The following LIMD1 variants were observed in gnomAD, a reference collection of about 807,000 sequenced individuals.
LIMD1 encodes the protein LIM domain containing 1, also known as LIM domain-containing protein 1.
In LIMD1, 23 loss-of-function variants were observed where a neutral mutation model predicts 58.4. That is an observed-to-expected ratio of 0.39 (90% CI 0.28 to 0.56). LIMD1 has a LOEUF of 0.56. LIMD1 is among the 20% of genes least tolerant of loss of function. The probability of loss-of-function intolerance (pLI) is 0.57; values close to 1 mark genes in which losing one functional copy is unlikely to be tolerated. For missense variants in LIMD1, 838 were observed against 855.5 expected (o/e 0.98, Z 0.25); for synonymous variants, 334 against 345.5 (o/e 0.97, Z 0.37).
intron 1 of LIMD1, among the ~76,000 whole-genome samples, chr3:45,618,454 C>T (rs1413574310): frequency 6.6e-6 from 1 of 152,032 alleles, no homozygotes; most frequent in Non-Finnish European, 1.5e-5. Context: ...GGAGAGAGCT[C>T]AGTCCGGAGA....
chr3:45,683,923 C>T lies in LIMD1; in HGVS notation c.*6864C>T, dbSNP rs1697776695. On this transcript the variant is annotated 3_prime_UTR_variant, in exon 8 of 8. Transcript: ENST00000273317. ...TCAGCCTACCACAGACTCCAACGAA[C>T]GTTTTTTGAGAGGAAATGAAAGAAT... 6.6e-6 allele frequency: 1 copy of T among 152,158 alleles called. No individual in the cohort carries two copies. The highest frequency in any genetic ancestry group is 1.5e-5 in the Non-Finnish European group (1 of 68,030). The allele number at this position is 152,158 out of a possible 1,614,324, so 9.4% of individuals were successfully genotyped here. A position where few individuals can be genotyped will look rare whatever the true frequency, so the allele number is the denominator to read the frequency against.
At chr3:45,663,668 G>T (rs887979965) in intron 2 of LIMD1, among the ~76,000 whole-genome samples, 1 of 151,780 alleles carries the variant, frequency 6.6e-6, no homozygotes, top group Non-Finnish European at 1.5e-5. Flanking sequence ...TTCCCCATTG[G>T]ATTATTTATC....
chr3:45,665,467 C>CCTCAGCCTGCCTGCCT (rs1399866248), intron 2 of LIMD1, among the ~76,000 whole-genome samples, 183 bp from the exon 3 acceptor site: 10 of 152,192 alleles, frequency 6.6e-5, no homozygotes. Context: ...TTCCTCCCGG[C>CCTCAGCCTGCCTGCCT]CTCAGCCTGC....
At chr3:45,634,445 G>T (rs1240334639) in intron 1 of LIMD1, among the ~76,000 whole-genome samples, 1 of 152,226 alleles carries the variant, frequency 6.6e-6, no homozygotes, top group Non-Finnish European at 1.5e-5. Flanking sequence ...CAGAGCCCAT[G>T]TGAGATCCCG....
intron 1 of LIMD1, among the ~76,000 whole-genome samples, chr3:45,600,882 A>G (rs1575340957): frequency 6.6e-6 from 1 of 151,984 alleles, no homozygotes; most frequent in Non-Finnish European, 1.5e-5. Flanking sequence ...TGGGCAACAT[A>G]GTGAGACCCC....
At chr3:45,640,845 T>G (rs1306123374) in intron 2 of LIMD1, among the ~76,000 whole-genome samples, 5 of 152,230 alleles carry the variant, frequency 3.3e-5, no homozygotes, top group Non-Finnish European at 7.3e-5. Flanking sequence ...TGTCAAAAAG[T>G]GAGTGCAGGG....
intron 1 of LIMD1, among the ~76,000 whole-genome samples, chr3:45,634,370 G>A (rs542920738): frequency 2.6e-5 from 4 of 152,290 alleles, no homozygotes; most frequent in East Asian, 3.9e-4. Context: ...GGATGGGCCC[G>A]GAGCCTGGGC....
At chr3:45,654,441 A>T (rs1702005151) in intron 2 of LIMD1, among the ~76,000 whole-genome samples, 1 of 152,148 alleles carries the variant, frequency 6.6e-6, no homozygotes, top group South Asian at 2.1e-4. Context: ...TCTCTTTGTG[A>T]TGTCCTTAAC....
Position 45,595,206 on chromosome 3 carries a change from C to A in LIMD1, c.327C>A (p.Ala109=), listed in dbSNP as rs768165772. Residue 109 remains alanine, a synonymous_variant, in exon 1 of 8, where the codon GCC becomes GCA. Coordinates refer to ENST00000273317, the MANE Select transcript of LIMD1 (RefSeq NM_014240.3). The part of the protein sequence containing the change: ...VDGAAKPPLA[A]STGAPGAVTT... The stretch of plus-strand genomic sequence containing the variant: ...GTGCTGCCAAGCCTCCTCTTGCTGC[C>A]TCGACAGGGGCACCTGGGGCAGTCA... The A allele has an allele frequency of 6.2e-7, 1 of 1,602,156 alleles. No individual in the cohort carries two copies.
rs1697707181 is a variant in LIMD1 at position 45,679,190 on chromosome 3, T to C, written c.*2131T>C. The C allele has an allele frequency of 6.6e-6, 1 of 152,242 alleles. No homozygotes were observed. The highest frequency in any genetic ancestry group is 6.5e-5 in the Admixed American group (1 of 15,290). 9.4% of individuals were successfully genotyped at this position (152,242 alleles called of 1,614,324 possible). On this transcript the variant is annotated 3_prime_UTR_variant, in exon 8 of 8. Coordinates refer to ENST00000273317, the MANE Select transcript of LIMD1 (RefSeq NM_014240.3). The stretch of plus-strand genomic sequence containing the variant: ...AAAAATCTGTGATTACATTTTTAAA[T>C]GAAATTTTCAAAGTGGCCTAGATTG...
Position 45,666,722 on chromosome 3 carries a change from T to C in LIMD1, c.1578+1005T>C, listed in dbSNP as rs1369368803. ...GTCTGCTTACAAGTCTCTCCTCCATTGACTGAAAGCTTCCAGGATAGAAAG... is the reference window on the plus strand; with the variant it reads ...GTCTGCTTACAAGTCTCTCCTCCATCGACTGAAAGCTTCCAGGATAGAAAG... On this transcript the variant is annotated intron_variant, in intron 3 of 7. Coordinates refer to ENST00000273317, the MANE Select transcript of LIMD1 (RefSeq NM_014240.3). 2.0e-5 allele frequency among the ~76,000 whole-genome samples: 3 copies of C among 152,250 alleles called. No homozygotes were observed. In the East Asian group the frequency reaches 5.8e-4, roughly 30 times the overall value.
At chr3:45,658,400 A>T (rs1212894496) in intron 2 of LIMD1, among the ~76,000 whole-genome samples, 2 of 152,034 alleles carry the variant, frequency 1.3e-5, no homozygotes, top group African/African-American at 4.8e-5. Flanking sequence ...CAGCAAGAGG[A>T]CTTATCTAGC....
chr3:45,654,233 A>G (rs796077882), intron 2 of LIMD1, among the ~76,000 whole-genome samples: 4 of 152,346 alleles, frequency 2.6e-5, no homozygotes, highest in African/African-American at 7.2e-5. Flanking sequence ...TTTTCTCGGA[A>G]ACTCTTCTCA....
chr3:45,655,321 T>G (rs531927616), intron 2 of LIMD1, among the ~76,000 whole-genome samples: 3 of 152,340 alleles, frequency 2.0e-5, no homozygotes, highest in East Asian at 3.9e-4. Context: ...GAGTATATAT[T>G]TAGTGTGACG....
intron 1 of LIMD1, among the ~76,000 whole-genome samples, chr3:45,628,185 G>A (rs1468854422): frequency 2.6e-5 from 4 of 152,100 alleles, no homozygotes; most frequent in Non-Finnish European, 5.9e-5. Context: ...GCAGAACCTG[G>A]TGGACTCCCT....
Position 45,674,419 on chromosome 3 carries a change from C to CCGA in LIMD1, c.1893+9_1893+10insGAC. On this transcript the variant is annotated intron_variant, in intron 7 of 7. Coordinates refer to ENST00000273317, the MANE Select transcript of LIMD1 (RefSeq NM_014240.3). ...GAGTGTTACCACTGCGAGGTAGACC[C>CCGA]CTCCCCACCCAGCCCCCAAAGCCCA... The CCGA allele has an allele frequency of 6.2e-7, 1 of 1,608,332 alleles. No individual in the cohort carries two copies. Among genetic ancestry groups the CCGA allele is most frequent in the Non-Finnish European group, 8.5e-7 (1 of 1,175,240 alleles).
chr3:45,647,903 C>CT (rs1701922869), intron 2 of LIMD1, among the ~76,000 whole-genome samples: 1 of 152,102 alleles, frequency 6.6e-6, no homozygotes, highest in African/African-American at 2.4e-5. Flanking sequence ...ACCCCTGTAC[C>CT]TTGTCACCCT....
At chr3:45,612,921 C>T (rs1701539651) in intron 1 of LIMD1, 1 of 152,120 alleles carries the variant, frequency 6.6e-6, no homozygotes, top group African/African-American at 2.4e-5. Context: ...AGTTTGAGTC[C>T]CCTGACGCCT....
At chr3:45,618,829 G>T (rs960927325) in intron 1 of LIMD1, among the ~76,000 whole-genome samples, 2 of 152,188 alleles carry the variant, frequency 1.3e-5, no homozygotes, top group South Asian at 4.1e-4. Context: ...GGCTGTGGAC[G>T]TGGGGAGGAA....
Sources: gnomAD v4.1 joint callset for allele counts (sites outside exome capture counted in the v4.1 genomes callset) on GRCh38, gnomAD v4.1.1 for gene constraint, MANE v1.5 for transcripts, NCBI Gene and HGNC (gene_info 2026-07-23, HGNC 2026-07-21) for gene names.